Variants in MERTK observed in about 807,000 individuals in gnomAD.
The protein encoded by MERTK is MER proto-oncogene, tyrosine kinase, also known as tyrosine-protein kinase Mer.
A neutral mutation model predicts 99.3 loss-of-function variants in MERTK; 69 were observed. The ratio of observed to expected loss-of-function variants is 0.70; its 90% CI spans 0.57 to 0.85. The LOEUF (loss-of-function observed/expected upper bound fraction) is 0.85, where lower values mean the gene tolerates loss of function less well. MERTK is among the 40% of genes least tolerant of loss of function. The pLI is 0.00. For missense variants in MERTK, 1,125 were observed against 1,249.4 expected (o/e 0.90, Z 1.50); for synonymous variants, 426 against 467.6 (o/e 0.91, Z 1.15).
At chr2:111,922,156 C>T (rs1684471082) in intron 1 of MERTK, among the ~76,000 whole-genome samples, 1 of 152,228 alleles carries the variant, frequency 6.6e-6, no homozygotes, top group African/African-American at 2.4e-5. Flanking sequence ...TCCCACAGGG[C>T]TGCCACCTGC....
At chr2:112,006,002 T>C (rs1676972822) in intron 13 of MERTK, among the ~76,000 whole-genome samples, 1 of 152,138 alleles carries the variant, frequency 6.6e-6, no homozygotes, top group Admixed American at 6.6e-5. Flanking sequence ...TGCCTCAGCC[T>C]CCTGAGTAGC....
At chr2:111,933,988 C>T (rs1032562980) in intron 2 of MERTK, among the ~76,000 whole-genome samples, 1 of 151,500 alleles carries the variant, frequency 6.6e-6, no homozygotes, top group Non-Finnish European at 1.5e-5. Flanking sequence ...TTTTCTGTTC[C>T]TGTGTTAGTT....
At chr2:112,007,695 G>C (rs1677012457) in intron 13 of MERTK, among the ~76,000 whole-genome samples, 1 of 151,572 alleles carries the variant, frequency 6.6e-6, no homozygotes. Context: ...AAAAAATTTG[G>C]TATGAAAATG....
intron 15 of MERTK, among the ~76,000 whole-genome samples, chr2:112,018,371 A>C (rs552034675): frequency 6.6e-6 from 1 of 152,340 alleles, no homozygotes; most frequent in Non-Finnish European, 1.5e-5. Context: ...CTTTCCTGGA[A>C]ATCAGTATCT....
At chr2:111,941,437 C>T (rs1684864610) in intron 2 of MERTK, among the ~76,000 whole-genome samples, 1 of 152,202 alleles carries the variant, frequency 6.6e-6, no homozygotes, top group South Asian at 2.1e-4. Flanking sequence ...CCCATATCTT[C>T]AGTGCTGGGG....
At chr2:111,963,520 T>A (rs1316188044) in intron 4 of MERTK, among the ~76,000 whole-genome samples, 2 of 152,244 alleles carry the variant, frequency 1.3e-5, no homozygotes, top group South Asian at 4.1e-4. Context: ...CCTTCCGCAG[T>A]GTTTGTGTCC....
intron 15 of MERTK, among the ~76,000 whole-genome samples, chr2:112,010,546 C>T (rs1023369472): frequency 6.6e-6 from 1 of 152,168 alleles, no homozygotes; most frequent in Non-Finnish European, 1.5e-5. Context: ...TGTTGACTTA[C>T]CCACCATGAG....
intron 1 of MERTK, among the ~76,000 whole-genome samples, chr2:111,912,369 A>G (rs550693067): frequency 6.6e-6 from 1 of 152,266 alleles, no homozygotes; most frequent in East Asian, 1.9e-4. Flanking sequence ...CAACGTTGCC[A>G]TGAACATTAT....
chr2:111,909,442 C>T (rs1459332025), intron 1 of MERTK, among the ~76,000 whole-genome samples: 2 of 152,008 alleles, frequency 1.3e-5, no homozygotes, highest in Non-Finnish European at 2.9e-5. Context: ...TAAGAAATTC[C>T]CCAGACCTCC....
intron 1 of MERTK, among the ~76,000 whole-genome samples, chr2:111,910,610 G>GTGTGTGTGTGTGTA (rs370882764): frequency 0.016 from 2,324 of 143,578 alleles, 53 homozygotes; most frequent in African/African-American, 0.057. Flanking sequence ...GTGTGTGTGT[G>GTGTGTGTGTGTGTA]TATATATATA....
chr2:112,004,994 A>C (rs115344163), intron 13 of MERTK, among the ~76,000 whole-genome samples: 1,561 of 152,314 alleles, frequency 0.01, 29 homozygotes, highest in African/African-American at 0.036. Flanking sequence ...AACAAATTAC[A>C]GTGTTGACAA....
intron 7 of MERTK, among the ~76,000 whole-genome samples, chr2:111,980,913 CCT>C (rs1461768853): frequency 6.6e-6 from 1 of 152,166 alleles, no homozygotes; most frequent in Non-Finnish European, 1.5e-5. Flanking sequence ...ACTGTTGACT[CCT>C]CTTTGCCTTG....
intron 18 of MERTK, 53 bp downstream of exon 18, chr2:112,022,447 G>T (rs899841426): frequency 1.2e-6 from 2 of 1,612,618 alleles, no homozygotes; most frequent in Admixed American, 1.7e-5. Context: ...CAGCCACCTG[G>T]CTCTGCACTG....
At chr2:111,997,576 C>T in intron 10 of MERTK, 100 bp downstream of exon 10, 2 of 1,393,672 alleles carry the variant, frequency 1.4e-6, no homozygotes, top group Non-Finnish European at 1.0e-6. Flanking sequence ...TACATTGCTC[C>T]CAGATGGCTG....
intron 16 of MERTK, chr2:112,020,681 C>A (rs1455627440): frequency 2.1e-6 from 1 of 471,160 alleles, no homozygotes; most frequent in East Asian, 6.9e-5. Flanking sequence ...CCCAAACTCT[C>A]AGGGGGCTTA....
intron 2 of MERTK, among the ~76,000 whole-genome samples, chr2:111,930,016 G>A (rs1191873933): frequency 6.6e-6 from 1 of 152,196 alleles, no homozygotes; most frequent in Non-Finnish European, 1.5e-5. Context: ...AACTGACAGT[G>A]TGTGTTCAAT....
chr2:111,975,416 A>G lies in MERTK; in HGVS notation c.1088A>G (p.Asn363Ser), dbSNP rs1365946093. Reference protein sequence around the residue: ...ANYSIGVSCMNEIGWSAVSPW... With the variant: ...ANYSIGVSCMSEIGWSAVSPW... The stretch of plus-strand genomic sequence containing the variant: ...TACAGCATTGGTGTTTCCTGCATGA[A>G]TGAAATAGGCTGGTCTGCAGTGAGC... Residue 363 changes from asparagine (N) to serine (S), a missense_variant, in exon 7 of 19, where the codon AAT (asparagine) becomes AGT (serine). By Grantham distance (46) the Asn-to-Ser change is conservative. Transcript: ENST00000295408. 6.2e-7 allele frequency: 1 copy of G among 1,614,074 alleles called. No homozygotes were observed. The highest frequency in any genetic ancestry group is 1.3e-5 in the African/African-American group (1 of 74,922).
chr2:112,012,523 T>C (rs1003243490), intron 15 of MERTK, among the ~76,000 whole-genome samples: 2 of 152,096 alleles, frequency 1.3e-5, no homozygotes, highest in African/African-American at 4.8e-5. Context: ...AGGGTGAACA[T>C]GCTCCCTCCA....
chr2:112,020,469 T>A (rs1677316128), intron 16 of MERTK: 1 of 412,228 alleles, frequency 2.4e-6, no homozygotes, highest in Admixed American at 2.8e-5. Flanking sequence ...CCCAGACTAC[T>A]TTATATCTAT....
Sources: allele counts gnomAD v4.1 joint callset (sites outside exome capture counted in the v4.1 genomes callset), GRCh38; gene constraint gnomAD v4.1.1; transcripts MANE v1.5; gene names NCBI Gene and HGNC (gene_info 2026-07-23, HGNC 2026-07-21).